Variants in OPHN1 observed in about 807,000 individuals in gnomAD.
OPHN1 encodes the protein oligophrenin-1.
Under a neutral mutation model 60.7 loss-of-function variants are expected in OPHN1, and 11 were observed. The observed-to-expected ratio is 0.18, with a 90% CI of 0.11 to 0.30. The LOEUF is 0.30. Among genes scored for constraint, OPHN1 ranks in the 10% least tolerant of loss-of-function variants. OPHN1 has a pLI of 1.00. For synonymous variants in OPHN1, 226 were observed against 222.6 expected, an observed-to-expected ratio of 1.02 and a Z score of -0.14; for missense variants, 449 against 611.0, an observed-to-expected ratio of 0.73 and a Z score of 2.80.
chrX:68,114,085 T>C lies in OPHN1; in HGVS notation c.1362-846A>G, dbSNP rs184256845. Among the ~76,000 whole-genome samples, 30 of 110,546 alleles carry C rather than the reference T, an allele frequency of 2.7e-4. No homozygotes were observed. The East Asian group carries it at 8.1e-3, about 30-fold the overall frequency. ...ATAGTCCAAACCTCCAACGAGCTAATAGTTTAGTAGAAAAGAGCACCATAC... is the reference window on the plus strand; with the variant it reads ...ATAGTCCAAACCTCCAACGAGCTAACAGTTTAGTAGAAAAGAGCACCATAC... On this transcript the variant is annotated intron_variant, in intron 16 of 24. Transcript: ENST00000355520.
In OPHN1 at chrX:68,201,656, C is replaced by A; in HGVS notation, c.988G>T (p.Asp330Tyr). Residue 330 changes from aspartate (D) to tyrosine (Y), a missense_variant, in exon 11 of 25, where the codon GAC becomes TAC. Transcript: ENST00000355520. ...YCVRRKTESI[D>Y]KRFCFDIETN... ...TCTATGTCAAAACAGAACCTCTTGTCGATAGACTCCGTCTTCCTTCTCACA... is the reference window on the plus strand; with the variant it reads ...TCTATGTCAAAACAGAACCTCTTGTAGATAGACTCCGTCTTCCTTCTCACA... 3.3e-6 allele frequency: 4 copies of A among 1,210,392 alleles called. No individual in the cohort carries two copies. The highest frequency in any genetic ancestry group is 4.5e-6 in the Non-Finnish European group (4 of 894,478).
intron 5 of OPHN1, among the ~76,000 whole-genome samples, chrX:68,244,732 A>G (rs2077797167): frequency 8.9e-6 from 1 of 112,310 alleles, no homozygotes; most frequent in Non-Finnish European, 1.9e-5. Context: ...GTTACCACTT[A>G]TTGAGTATTA....
At chrX:68,368,990 C>T (rs1030070609) in intron 2 of OPHN1, among the ~76,000 whole-genome samples, 7 of 111,553 alleles carry the variant, frequency 6.3e-5, no homozygotes, top group African/African-American at 2.0e-4. Context: ...AGGTGGATCA[C>T]GAGGTCAGGA....
intron 6 of OPHN1, among the ~76,000 whole-genome samples, chrX:68,230,421 T>C (rs931836586): frequency 1.4e-4 from 16 of 110,959 alleles, no homozygotes; most frequent in Non-Finnish European, 3.8e-5. Context: ...TGGGTATATA[T>C]CCAAAGGATT....
chrX:68,250,838 C>G (rs191726732), intron 5 of OPHN1, among the ~76,000 whole-genome samples: 131 of 111,332 alleles, frequency 1.2e-3, no homozygotes, highest in Non-Finnish European at 1.9e-3. Context: ...CAGAAGAGGC[C>G]ATGAGTCATA....
intron 3 of OPHN1, among the ~76,000 whole-genome samples, chrX:68,285,161 G>A (rs922245085): frequency 1.8e-5 from 2 of 111,776 alleles, no homozygotes; most frequent in Non-Finnish European, 3.8e-5. Flanking sequence ...TGGTTTCAAT[G>A]ACTGTCTTGT....
chrX:68,157,011 G>A (rs1221653567), intron 15 of OPHN1, among the ~76,000 whole-genome samples: 7 of 111,989 alleles, frequency 6.3e-5, no homozygotes, highest in Non-Finnish European at 1.3e-4. Flanking sequence ...GGAATAAAAG[G>A]TAAAAATTAT....
intron 15 of OPHN1, among the ~76,000 whole-genome samples, chrX:68,160,795 T>C (rs2077331085): frequency 9.0e-6 from 1 of 111,150 alleles, no homozygotes; most frequent in Non-Finnish European, 1.9e-5. Context: ...AATTTAAAGC[T>C]GTAAATGCCT....
intron 15 of OPHN1, among the ~76,000 whole-genome samples, chrX:68,150,282 A>C (rs1231405552): frequency 9.0e-6 from 1 of 111,610 alleles, no homozygotes; most frequent in Non-Finnish European, 1.9e-5. Context: ...ATGCCACTGA[A>C]CTTTTACTTG....
intron 15 of OPHN1, among the ~76,000 whole-genome samples, chrX:68,132,111 T>C (rs1263191914): frequency 8.9e-6 from 1 of 112,137 alleles, no homozygotes; most frequent in Non-Finnish European, 1.9e-5. Context: ...TGATATTGGC[T>C]GTGGGTTTGT....
chrX:68,377,672 T>C (rs1357913199), intron 2 of OPHN1, among the ~76,000 whole-genome samples: 3 of 108,528 alleles, frequency 2.8e-5, no homozygotes, highest in Non-Finnish European at 5.7e-5. Flanking sequence ...CGAGTGAGAA[T>C]ATGCGGTGTG....
At chrX:68,377,344 C>G (rs1169476157) in intron 2 of OPHN1, among the ~76,000 whole-genome samples, 1 of 109,420 alleles carries the variant, frequency 9.1e-6, no homozygotes, top group East Asian at 2.8e-4. Flanking sequence ...GATCCGCCCA[C>G]CTCAGCCTCC....
At chrX:68,237,356 T>G (rs2077758080) in intron 5 of OPHN1, among the ~76,000 whole-genome samples, 1 of 112,158 alleles carries the variant, frequency 8.9e-6, no homozygotes, top group Non-Finnish European at 1.9e-5. Flanking sequence ...CATTTCTATG[T>G]GGATATTAGG....
At chrX:68,379,227 CTCTG>C (rs1036466110) in intron 2 of OPHN1, among the ~76,000 whole-genome samples, 8 of 110,757 alleles carry the variant, frequency 7.2e-5, no homozygotes, top group Non-Finnish European at 9.5e-5. Flanking sequence ...TGATTTGGCT[CTCTG>C]TCTGTTATTG....
At chrX:68,366,530 C>T (rs902921860) in intron 2 of OPHN1, among the ~76,000 whole-genome samples, 7 of 110,094 alleles carry the variant, frequency 6.4e-5, no homozygotes, top group African/African-American at 9.9e-5. Context: ...TGTGTGTGCC[C>T]GTGTGTAGAG....
At chrX:68,295,943 A>AT (rs1015990887) in intron 3 of OPHN1, among the ~76,000 whole-genome samples, 20 of 110,888 alleles carry the variant, frequency 1.8e-4, no homozygotes, top group Non-Finnish European at 3.2e-4. Flanking sequence ...GCTTTAAGCA[A>AT]TTTTTTTTTC....
At position 68,219,395 on chromosome X, in the gene OPHN1, C is replaced by T. The variant is rs2077638229; in HGVS notation, c.487-5423G>A. ...AAGAGACAGAAAGTCAACAAGGATA[C>T]TCAGGAATTGAACTCAGCTCTGTAC... On this transcript the variant is annotated intron_variant, in intron 6 of 24. Transcript: ENST00000355520. Among the ~76,000 whole-genome samples the T allele has an allele frequency of 6.2e-5, 6 of 97,090 alleles. No homozygotes were observed. In the Admixed American group the frequency reaches 7.0e-4, roughly 11 times the overall value. 84.3% of individuals were successfully genotyped at this position (97,090 alleles called of 115,157 possible).
intron 1 of OPHN1, 22 bp from the exon 2 acceptor site, chrX:68,433,046 AAAGG>A: frequency 8.5e-7 from 1 of 1,179,170 alleles, no homozygotes; most frequent in Non-Finnish European, 1.1e-6. Flanking sequence ...GAGTAGGGGG[AAAGG>A]GGAAAGACAC....
chrX:68,100,765 G>A (rs1248696878), intron 18 of OPHN1, among the ~76,000 whole-genome samples: 2 of 108,323 alleles, frequency 1.8e-5, no homozygotes, highest in African/African-American at 6.7e-5. Context: ...ATTTATTTTT[G>A]AGATGGAGTC....
Sources: allele counts gnomAD v4.1 joint callset (sites outside exome capture counted in the v4.1 genomes callset), GRCh38; gene constraint gnomAD v4.1.1; transcripts MANE v1.5; gene names NCBI Gene and HGNC (gene_info 2026-07-23, HGNC 2026-07-21).